Variants in FCGR2B observed in about 807,000 individuals in gnomAD.
FCGR2B encodes the protein Fc gamma receptor IIb, also known as low affinity immunoglobulin gamma Fc region receptor II-b.
In FCGR2B, 18 loss-of-function variants were observed where a neutral mutation model predicts 24.8. The observed-to-expected ratio is 0.73, with a 90% CI of 0.50 to 1.08. The LOEUF is 1.08. Ranked by LOEUF, FCGR2B falls within the 50% of genes least tolerant of loss-of-function variation. FCGR2B has a pLI of 0.00. For synonymous variants in FCGR2B, 79 were observed against 109.8 expected (o/e 0.72, Z 1.75); for missense variants, 215 against 297.6 (o/e 0.72, Z 2.04).
chr1:161,647,938 C>T, the FCGR2B span, among the ~76,000 whole-genome samples: 9 of 150,872 alleles, frequency 6.0e-5, 1 homozygote, highest in Admixed American at 2.0e-4. Flanking sequence ...CGTAGACGAC[C>T]CTTCGTCTTG....
At chr1:161,650,478 G>A in the FCGR2B span, among the ~76,000 whole-genome samples, 2 of 145,310 alleles carry the variant, frequency 1.4e-5, no homozygotes, top group East Asian at 4.5e-4. Context: ...TGACACAGGG[G>A]GCCAGATAAT....
rs1179207565 is a variant in FCGR2B, at chr1:161,677,747, G to A, written c.*194G>A. 11 of 556,780 alleles carry A rather than the reference G, an allele frequency of 2.0e-5. No homozygotes were observed. The highest frequency in any genetic ancestry group is 1.0e-4 in the South Asian group (4 of 39,210). The allele number at this position is 556,780 out of a possible 1,614,324, so 34.5% of individuals were successfully genotyped here. ...ACAGACAATATGGTCCCAAATAACC[G>A]ACTGCACCTTCTGTGCTTCAGCTCT... On this transcript the variant is annotated 3_prime_UTR_variant, in exon 8 of 8. Coordinates refer to ENST00000358671, the MANE Select transcript of FCGR2B (RefSeq NM_001394477.1).
upstream of FCGR2B, among the ~76,000 whole-genome samples, chr1:161,661,222 GAAAGAAAGAAAGAAA>G (rs1557894992): frequency 4.1e-5 from 3 of 73,384 alleles, no homozygotes; most frequent in Non-Finnish European, 6.5e-5. Flanking sequence ...AAGAAAGAAA[GAAAGAAAGAAAGAAA>G]GAAAGAAAGA....
At chr1:161,656,314 T>C in the FCGR2B span, among the ~76,000 whole-genome samples, 1 of 142,784 alleles carries the variant, frequency 7.0e-6, no homozygotes, top group Non-Finnish European at 1.6e-5. Flanking sequence ...TCTTCATTTC[T>C]TCCTCCCATC....
intron 5 of FCGR2B, 81 bp from the exon 6 acceptor site, chr1:161,675,176 C>T (rs1682008477): frequency 4.2e-6 from 4 of 942,698 alleles, no homozygotes; most frequent in South Asian, 1.5e-5. Context: ...CTGGTCCCAT[C>T]CAACCCTGGC....
intron 1 of FCGR2B, among the ~76,000 whole-genome samples, chr1:161,669,841 A>G (rs1300521596): frequency 2.6e-5 from 2 of 76,644 alleles, no homozygotes; most frequent in Non-Finnish European, 5.8e-5. Context: ...TGTAGTGATC[A>G]TGGATTACCT....
rs536775267 is a variant in FCGR2B at position 161,671,836 on chromosome 1, A to C, written c.391+187A>C. ...TTGAACAGAAGAAGGTTTCAAGGCC[A>C]AAAACAGGCAGCCAAGTGTGAGAGA... On this transcript the variant is annotated intron_variant, in intron 3 of 7. Transcript: ENST00000358671. 4.6e-5 allele frequency: 53 copies of C among 1,146,096 alleles called. No individual in the cohort carries two copies. In the East Asian group the frequency reaches 1.4e-3, roughly 30 times the overall value. 71.0% of individuals were successfully genotyped at this position (1,146,096 alleles called of 1,614,324 possible).
In FCGR2B at chr1:161,672,555, A is replaced by G. The variant is rs1229857163; in HGVS notation, c.392-420A>G. 3.3e-5 allele frequency: 9 copies of G among 270,616 alleles called. No homozygotes were observed. In the East Asian group the frequency reaches 7.4e-4, roughly 22 times the overall value. The allele number at this position is 270,616 out of a possible 1,614,324, so 16.8% of individuals were successfully genotyped here. ...GTCCACAAAGGCATATGTCCTTATC[A>G]TATGCGGACTCCTCGGTCACACTGG... On this transcript the variant is annotated intron_variant, in intron 3 of 7. Transcript: ENST00000358671.
At chr1:161,649,360 A>C in the FCGR2B span, among the ~76,000 whole-genome samples, 1 of 150,960 alleles carries the variant, frequency 6.6e-6, no homozygotes, top group East Asian at 1.9e-4. Flanking sequence ...TCTTTAAAAG[A>C]AAAGTTTTGC....
chr1:161,652,006 A>C, the FCGR2B span, among the ~76,000 whole-genome samples: 22 of 126,636 alleles, frequency 1.7e-4, 2 homozygotes, highest in African/African-American at 5.9e-4. Flanking sequence ...ATAATGCTCT[A>C]TCTGTGATTT....
intron 3 of FCGR2B, 95 bp from the exon 4 acceptor site, chr1:161,672,880 C>T (rs1681794159): frequency 6.5e-7 from 1 of 1,540,980 alleles, no homozygotes; most frequent in African/African-American, 1.4e-5. Context: ...CTAAGCTGTT[C>T]CCTCTGCACA....
chr1:161,674,006 G>C lies in FCGR2B; in HGVS notation c.693G>C (p.Gly231=). The change falls in exon 5 of 8, where the codon GGG becomes GGC. Residue 231 remains glycine (G), a synonymous_variant. Coordinates refer to ENST00000358671, the MANE Select transcript of FCGR2B (RefSeq NM_001394477.1). ...PMGIIVAVVT[G]IAVAAIVAAV... ...GGATCATTGTGGCTGTGGTCACTGG[G>C]ATTGCTGTAGCGGCCATTGTTGCTG... The C allele has an allele frequency of 1.9e-6, 1 of 523,826 alleles. No homozygotes were observed. The allele number at this position is 523,826 out of a possible 1,614,324, so 32.4% of individuals were successfully genotyped here.
Position 161,678,304 on chromosome 1 carries a change from A to G in FCGR2B, c.*751A>G, listed in dbSNP as rs1422084433. 9.2e-6 allele frequency: 2 copies of G among 217,950 alleles called. No homozygotes were observed. Among genetic ancestry groups the G allele is most frequent in the Non-Finnish European group, 1.8e-5 (2 of 108,474 alleles). The allele number at this position is 217,950 out of a possible 1,614,324, so 13.5% of individuals were successfully genotyped here. ...TATGATGGTGATCCCATAAAATTAT[A>G]ATACCATATTTCTATTGTACCTTTT... On this transcript the variant is annotated 3_prime_UTR_variant, in exon 8 of 8. Coordinates refer to ENST00000358671, the MANE Select transcript of FCGR2B (RefSeq NM_001394477.1).
At chr1:161,672,899 C>T in intron 3 of FCGR2B, 76 bp from the exon 4 acceptor site, 4 of 1,588,826 alleles carry the variant, frequency 2.5e-6, no homozygotes, top group Middle Eastern at 3.8e-4. Flanking sequence ...CATCGTGTCC[C>T]ACCAGTAAGG....
intron 3 of FCGR2B, chr1:161,672,008 A>G: frequency 3.2e-6 from 1 of 313,522 alleles, no homozygotes; most frequent in Non-Finnish European, 5.9e-6. Context: ...CCATTTCTTC[A>G]CCTGCTCCGT....
At chr1:161,677,041 T>A in intron 6 of FCGR2B, 5 of 452,416 alleles carry the variant, frequency 1.1e-5, no homozygotes, top group African/African-American at 4.2e-5. Context: ...ATCCCAAGCC[T>A]CCCTGGTTTG....
Position 161,671,015 on chromosome 1 carries a change from G to A in FCGR2B, c.134-377G>A, listed in dbSNP as rs543355546. Among the ~76,000 whole-genome samples, 13 of 152,064 alleles carry A rather than the reference G, an allele frequency of 8.5e-5. No homozygotes were observed. The South Asian group carries it at 2.5e-3, about 29-fold the overall frequency. ...TAGTGTCTAAATGCCTTTGTTTATC[G>A]GGGAGAAAAGTTAGTCTCGAAAGAG... On this transcript the variant is annotated intron_variant, in intron 2 of 7. Transcript: ENST00000358671.
intron 6 of FCGR2B, 126 bp from the exon 7 acceptor site, chr1:161,677,202 C>G (rs187492175): frequency 2.9e-5 from 26 of 900,104 alleles, no homozygotes; most frequent in Non-Finnish European, 4.7e-5. Context: ...CCTAGAGGCC[C>G]AAGACAGGGT....
rs544394514 is a variant in FCGR2B, at chr1:161,677,686, T to A, written c.*133T>A. The A allele has an allele frequency of 7.2e-6, 5 of 695,418 alleles. No individual in the cohort carries two copies. The African/African-American group carries it at 9.0e-5, about 12-fold the overall frequency. 43.1% of individuals were successfully genotyped at this position (695,418 alleles called of 1,614,324 possible). ...AAAGAGAAGGTTTCTTCCAGAGTCA[T>A]CTACCTGAGTCCTGAAGCTCCCTGT... On this transcript the variant is annotated 3_prime_UTR_variant, in exon 8 of 8. Coordinates refer to ENST00000358671, the MANE Select transcript of FCGR2B (RefSeq NM_001394477.1).
Sources: allele counts gnomAD v4.1 joint callset (sites outside exome capture counted in the v4.1 genomes callset), GRCh38; gene constraint gnomAD v4.1.1; transcripts MANE v1.5; gene names NCBI Gene and HGNC (gene_info 2026-07-23, HGNC 2026-07-21).